The following DNAH11 variants were observed in gnomAD, a reference collection of about 807,000 sequenced individuals.
The protein encoded by DNAH11 is dynein axonemal heavy chain 11.
Under a neutral mutation model 526.0 loss-of-function variants are expected in DNAH11, and 442 were observed. The observed-to-expected ratio is 0.84, with a 90% CI of 0.78 to 0.91. The LOEUF (loss-of-function observed/expected upper bound fraction) is 0.91. Ranked by LOEUF, DNAH11 falls within the 40% of genes least tolerant of loss-of-function variation. The probability of loss-of-function intolerance (pLI) is 0.00; values close to 1 mark genes in which losing one functional copy is unlikely to be tolerated. For missense variants in DNAH11, 6,989 were observed against 5,448.7 expected (o/e 1.28, Z -8.90); for synonymous variants, 2,461 against 1,935.9 (o/e 1.27, Z -7.12).
At chr7:21,895,121 C>A (rs967341741) in intron 79 of DNAH11, 122 bp downstream of exon 79, 16 of 777,494 alleles carry the variant, frequency 2.1e-5, no homozygotes, top group South Asian at 1.1e-4. Context: ...AACCTGTAAC[C>A]GTAAAAAATT....
Position 21,615,311 on chromosome 7 carries a change from A to G in DNAH11, c.4011+39A>G, listed in dbSNP as rs376356896. On this transcript the variant is annotated intron_variant, in intron 21 of 81. Transcript: ENST00000409508. The stretch of plus-strand genomic sequence containing the variant: ...TTTCAAAACATGCTTTTTATTTAGT[A>G]GTTCTTTTACATATGCAGTTTGTGG... The G allele has an allele frequency of 3.0e-4, 483 of 1,600,738 alleles. 4 individuals carry two copies. Among genetic ancestry groups the G allele is most frequent in the Middle Eastern group, 1.4e-3 (8 of 5,798 alleles).
intron 52 of DNAH11, 24 bp downstream of exon 52, chr7:21,748,766 C>G (rs779364683): frequency 6.3e-7 from 1 of 1,594,956 alleles, no homozygotes; most frequent in African/African-American, 1.3e-5. Flanking sequence ...ACAGGCAGTT[C>G]TTCTGACCCT....
chr7:21,784,615 T>C, intron 58 of DNAH11, 75 bp downstream of exon 58: 1 of 1,077,648 alleles, frequency 9.3e-7, no homozygotes, highest in Non-Finnish European at 1.3e-6. Flanking sequence ...ATAACTGAGC[T>C]GAGAGAGTAG....
At chr7:21,638,590 A>T (rs998680562) in intron 27 of DNAH11, among the ~76,000 whole-genome samples, 1 of 152,110 alleles carries the variant, frequency 6.6e-6, no homozygotes, top group African/African-American at 2.4e-5. Context: ...AGGTTGAAGG[A>T]TGGCGACCTA....
rs1309725244 is a variant in DNAH11, at chr7:21,869,402, C to G, written c.11967+411C>G. On this transcript the variant is annotated intron_variant, in intron 73 of 81. Transcript: ENST00000409508. ...GTTGTTGCAGAATTTTGCTCCTTAG[C>G]ATAGCTAAAACCAGGTCCTTGTCAC... Among the ~76,000 whole-genome samples the G allele has an allele frequency of 2.0e-5, 3 of 151,950 alleles. No homozygotes were observed. In the East Asian group the frequency reaches 5.8e-4, roughly 29 times the overall value.
At chr7:21,732,262 C>T (rs951643977) in intron 45 of DNAH11, among the ~76,000 whole-genome samples, 3 of 152,356 alleles carry the variant, frequency 2.0e-5, no homozygotes, top group African/African-American at 4.8e-5. Context: ...TCTGCATCCT[C>T]ACATGGCTTT....
chr7:21,574,626 C>A (rs1271223577), intron 8 of DNAH11, among the ~76,000 whole-genome samples: 2 of 136,564 alleles, frequency 1.5e-5, no homozygotes, highest in Non-Finnish European at 3.1e-5. Flanking sequence ...TGCAATGGTG[C>A]GATCTTAGCT....
At position 21,829,808 on chromosome 7, in the gene DNAH11, A is replaced by G. The variant is rs973167909; in HGVS notation, c.10691+11469A>G. Among the ~76,000 whole-genome samples, 4 of 152,264 alleles carry G rather than the reference A, an allele frequency of 2.6e-5. No homozygotes were observed. In the South Asian group the frequency reaches 8.3e-4, roughly 31 times the overall value. ...CTAAATTGAAATTCTCGTCTTGGTT[A>G]TATTAAGATAATGGTTCCTCTCTCA... On this transcript the variant is annotated intron_variant, in intron 65 of 81. Coordinates refer to ENST00000409508, the MANE Select transcript of DNAH11 (RefSeq NM_001277115.2).
chr7:21,606,809 GC>G, intron 20 of DNAH11, 76 bp downstream of exon 20: 1 of 1,236,344 alleles, frequency 8.1e-7, no homozygotes, highest in Non-Finnish European at 1.1e-6. Context: ...ACAAAATACT[GC>G]CACATTTTGT....
chr7:21,673,476 C>T (rs1782725235), intron 30 of DNAH11, among the ~76,000 whole-genome samples: 1 of 152,126 alleles, frequency 6.6e-6, no homozygotes, highest in Non-Finnish European at 1.5e-5. Context: ...AGAGCAATGG[C>T]CATCAGGCTG....
rs57879254 is a variant in DNAH11 at position 21,828,738 on chromosome 7, CT to C, written c.10691+10409del. On this transcript the variant is annotated intron_variant, in intron 65 of 81. Transcript: ENST00000409508. ...CAAAAGAGAAATAATCTACTTATGA[CT>C]TTTTTTTTTCATTTTTCTGGGTTTT... Among the ~76,000 whole-genome samples the C allele has an allele frequency of 4.6e-3, 627 of 136,470 alleles. 3 individuals are homozygous for C. The highest frequency in any genetic ancestry group is 0.016 in the African/African-American group (586 of 37,162). The allele number at this position is 136,470 out of a possible 152,430, so 89.5% of individuals were successfully genotyped here.
At chr7:21,720,044 G>C (rs1321912889) in intron 43 of DNAH11, among the ~76,000 whole-genome samples, 2 of 152,232 alleles carry the variant, frequency 1.3e-5, no homozygotes, top group Non-Finnish European at 2.9e-5. Flanking sequence ...GGACCGCCCA[G>C]CACGTTGCCA....
rs567132778 is a variant in DNAH11, at chr7:21,744,388, A to C, written c.8155-50A>C. The C allele has an allele frequency of 1.9e-5, 30 of 1,580,202 alleles. No homozygotes were observed. In the East Asian group the frequency reaches 6.1e-4, roughly 32 times the overall value. ...TTAAAAAGTGTTAAACTCATTTGAC[A>C]TGTCATCAGCCTCTGAATTAAAGGT... On this transcript the variant is annotated intron_variant, in intron 49 of 81. Transcript: ENST00000409508.
chr7:21,590,937 A>T lies in DNAH11; in HGVS notation c.2189A>T (p.Glu730Val). The T allele has an allele frequency of 2.0e-6, 3 of 1,487,966 alleles. No individual in the cohort carries two copies. The highest frequency in any genetic ancestry group is 2.7e-6 in the Non-Finnish European group (3 of 1,127,734). The allele number at this position is 1,487,966 out of a possible 1,614,324, so 92.2% of individuals were successfully genotyped here. The change falls in exon 13 of 82, where the codon GAA (glutamate) becomes GTA (valine). Residue 730 changes from glutamate (E) to valine (V), a missense_variant. Physicochemically the swap from Glu to Val is moderately radical, Grantham distance 121. Transcript: ENST00000409508. ...TAATAGCTAGTGGCTGTATTGAGAG[A>T]AGTGAAATATCTTTTGATGTTGAAG... ...FDPKLVAVLR[E>V]VKYLLMLKKQ...
chr7:21,795,718 A>T (rs879733625), intron 61 of DNAH11, among the ~76,000 whole-genome samples: 13 of 152,236 alleles, frequency 8.5e-5, no homozygotes, highest in Non-Finnish European at 1.5e-4. Context: ...CAGAAGGCTC[A>T]GTCCCTGCCC....
intron 54 of DNAH11, among the ~76,000 whole-genome samples, chr7:21,762,530 G>C (rs10227357): frequency 0.3 from 45,549 of 152,086 alleles, 7,429 homozygotes; most frequent in East Asian, 0.46. Flanking sequence ...AGTATAAGGA[G>C]AAAGCTGATA....
intron 56 of DNAH11, among the ~76,000 whole-genome samples, chr7:21,777,247 G>C (rs1000487823): frequency 6.6e-6 from 1 of 152,030 alleles, no homozygotes; most frequent in Non-Finnish European, 1.5e-5. Flanking sequence ...CGAGGTATTG[G>C]GTGTATCCAT....
chr7:21,778,141 G>A lies in DNAH11; in HGVS notation c.9337-817G>A, dbSNP rs539324633. On this transcript the variant is annotated intron_variant, in intron 56 of 81. Transcript: ENST00000409508. ...TTTAGTTACATGACCCTCAAACTGA[G>A]GAACCTAGTAATGCTTTCTGAACCT... 1.8e-3 allele frequency among the ~76,000 whole-genome samples: 270 copies of A among 152,164 alleles called. 2 individuals carry two copies. The highest frequency in any genetic ancestry group is 2.9e-3 in the Admixed American group (44 of 15,254).
chr7:21,591,553 C>A lies in DNAH11; in HGVS notation c.2643C>A (p.Gly881=). 1 of 1,574,934 alleles carries A rather than the reference C, an allele frequency of 6.3e-7. No homozygotes were observed. ...TKKYKLIQGD[G]CKIHNLVEEN... is the part of the protein sequence containing the mutation. ...AATACAAGTTAATCCAAGGAGATGG[C>A]TGCAAGATCCACAACTTGGTCGAGG... Residue 881 remains glycine, a synonymous_variant, in exon 14 of 82, where the codon GGC becomes GGA. Transcript: ENST00000409508.
Sources: gnomAD v4.1 joint callset for allele counts (sites outside exome capture counted in the v4.1 genomes callset) on GRCh38, gnomAD v4.1.1 for gene constraint, MANE v1.5 for transcripts, NCBI Gene and HGNC (gene_info 2026-07-23, HGNC 2026-07-21) for gene names.